CDH13: variants seen among roughly 807,000 people sequenced by gnomAD.
CDH13 encodes cadherin 13, also known as cadherin-13.
CDH13 carries 24 observed loss-of-function variants against 63.8 expected under a neutral mutation model. The ratio of observed to expected loss-of-function variants is 0.38; its 90% CI spans 0.27 to 0.53. The LOEUF (loss-of-function observed/expected upper bound fraction) is 0.53, where lower values mean the gene tolerates loss of function less well. CDH13 is among the 20% of genes least tolerant of loss of function. The probability of loss-of-function intolerance (pLI) is 0.85; values close to 1 mark genes in which losing one functional copy is unlikely to be tolerated. For synonymous variants in CDH13, 503 were observed against 355.3 expected, an observed-to-expected ratio of 1.42 and a Z score of -4.67; for missense variants, 1,049 against 903.1, an observed-to-expected ratio of 1.16 and a Z score of -2.07.
At chr16:83,080,882 T>TTG (rs1555579078) in intron 3 of CDH13, among the ~76,000 whole-genome samples, 2 of 114,900 alleles carry the variant, frequency 1.7e-5, no homozygotes, top group African/African-American at 6.8e-5. Context: ...TTTTTTTTTT[T>TTG]TTTTTTTTTT....
At chr16:83,408,380 C>T (rs1160905769) in intron 6 of CDH13, among the ~76,000 whole-genome samples, 1 of 152,140 alleles carries the variant, frequency 6.6e-6, no homozygotes, top group East Asian at 1.9e-4. Context: ...TCATATAGTG[C>T]ACTTACGCAA....
chr16:83,376,215 T>A (rs1597865028), intron 6 of CDH13, among the ~76,000 whole-genome samples: 2 of 152,304 alleles, frequency 1.3e-5, no homozygotes, highest in Middle Eastern at 6.8e-3. Context: ...TGTAACTCCC[T>A]TTAAAGTTTT....
intron 6 of CDH13, among the ~76,000 whole-genome samples, chr16:83,441,773 AG>A (rs1344786608): frequency 2.0e-5 from 3 of 152,134 alleles, no homozygotes; most frequent in Non-Finnish European, 4.4e-5. Context: ...GAGCCCTATG[AG>A]TAAATGTGAT....
chr16:83,675,115 A>C (rs1329585738), intron 9 of CDH13, among the ~76,000 whole-genome samples: 1 of 152,174 alleles, frequency 6.6e-6, no homozygotes, highest in Non-Finnish European at 1.5e-5. Flanking sequence ...AGCTTCCATC[A>C]GGAGTATTTT....
chr16:82,845,316 A>T (rs1489427340), intron 1 of CDH13, among the ~76,000 whole-genome samples: 1 of 152,124 alleles, frequency 6.6e-6, no homozygotes, highest in Non-Finnish European at 1.5e-5. Context: ...TAGGAGCATT[A>T]ACTCCCCCTC....
chr16:83,750,985 A>AG (rs1838941490), intron 11 of CDH13, among the ~76,000 whole-genome samples: 1 of 152,112 alleles, frequency 6.6e-6, no homozygotes, highest in Non-Finnish European at 1.5e-5. Flanking sequence ...TTAAAAAAAA[A>AG]AAAAAACAGG....
intron 3 of CDH13, among the ~76,000 whole-genome samples, chr16:83,087,447 A>T (rs954495830): frequency 6.6e-6 from 1 of 152,144 alleles, no homozygotes; most frequent in African/African-American, 2.4e-5. Flanking sequence ...AGGCGGGCAG[A>T]TCACGAGGTC....
chr16:82,706,559 G>T (rs1248484020), intron 1 of CDH13, among the ~76,000 whole-genome samples: 4 of 151,844 alleles, frequency 2.6e-5, no homozygotes, highest in African/African-American at 7.3e-5. Flanking sequence ...AGAGGTCAGC[G>T]GAGGTGGGTG....
At chr16:82,660,479 C>T (rs1046651062) in intron 1 of CDH13, among the ~76,000 whole-genome samples, 2 of 152,114 alleles carry the variant, frequency 1.3e-5, no homozygotes, top group East Asian at 1.9e-4. Context: ...AGTTGGTGAA[C>T]GTCAGTCAAT....
chr16:82,789,333 T>G (rs1321467607), intron 1 of CDH13, among the ~76,000 whole-genome samples: 1 of 152,200 alleles, frequency 6.6e-6, no homozygotes, highest in African/African-American at 2.4e-5. Flanking sequence ...TGTGAACTCA[T>G]GAAGGGAGGG....
chr16:83,680,530 C>T (rs1915319713), intron 10 of CDH13, among the ~76,000 whole-genome samples: 1 of 152,050 alleles, frequency 6.6e-6, no homozygotes, highest in Non-Finnish European at 1.5e-5. Flanking sequence ...AACATCCAGG[C>T]CAAGATTTGA....
rs539459047 is a variant in CDH13 at position 83,499,517 on chromosome 16, T to C, written c.960+12862T>C. Among the ~76,000 whole-genome samples the C allele has an allele frequency of 1.4e-3, 207 of 152,350 alleles. 5 individuals carry two copies. In the South Asian group the frequency reaches 0.04, roughly 29 times the overall value. On this transcript the variant is annotated intron_variant, in intron 7 of 13. Transcript: ENST00000567109. ...AACAACCAGTAACCATAATTATGAT[T>C]TGCATGTCATAAAACATTCTTCTCT... is the stretch of plus-strand genomic sequence containing the variant.
intron 8 of CDH13, among the ~76,000 whole-genome samples, chr16:83,650,470 G>A (rs1912266393): frequency 6.6e-6 from 1 of 152,182 alleles, no homozygotes; most frequent in Admixed American, 6.5e-5. Flanking sequence ...CTTGTGGGCT[G>A]CCGTACACAG....
At chr16:83,668,059 G>A (rs1012543008) in intron 8 of CDH13, among the ~76,000 whole-genome samples, 6 of 152,176 alleles carry the variant, frequency 3.9e-5, no homozygotes. Context: ...ACGCAGCTCT[G>A]CTGGAGCACA....
intron 7 of CDH13, among the ~76,000 whole-genome samples, chr16:83,513,763 A>C (rs1434572270): frequency 6.6e-6 from 1 of 152,176 alleles, no homozygotes; most frequent in African/African-American, 2.4e-5. Context: ...TGGGAACTAC[A>C]ATTCAAGATG....
At chr16:82,813,578 G>T (rs1315987252) in intron 1 of CDH13, among the ~76,000 whole-genome samples, 1 of 152,152 alleles carries the variant, frequency 6.6e-6, no homozygotes, top group African/African-American at 2.4e-5. Flanking sequence ...AAAAGGTAGT[G>T]TCTTCCCGGA....
intron 6 of CDH13, among the ~76,000 whole-genome samples, chr16:83,414,301 C>T (rs375953587): frequency 6.6e-6 from 1 of 152,090 alleles, no homozygotes; most frequent in East Asian, 1.9e-4. Flanking sequence ...GTATAATTCA[C>T]CCATTTAAAA....
chr16:83,099,750 C>A (rs2034384380), intron 3 of CDH13, among the ~76,000 whole-genome samples: 1 of 151,918 alleles, frequency 6.6e-6, no homozygotes, highest in African/African-American at 2.4e-5. Flanking sequence ...TCTTCATTTG[C>A]ATCATGAAGC....
intron 1 of CDH13, among the ~76,000 whole-genome samples, chr16:82,811,809 G>C (rs1356315989): frequency 2.0e-5 from 3 of 152,158 alleles, no homozygotes; most frequent in African/African-American, 7.2e-5. Flanking sequence ...GAAGTGTCAG[G>C]AGTGACTTAT....
Sources: allele counts gnomAD v4.1 joint callset (sites outside exome capture counted in the v4.1 genomes callset), GRCh38; gene constraint gnomAD v4.1.1; transcripts MANE v1.5; gene names NCBI Gene and HGNC (gene_info 2026-07-23, HGNC 2026-07-21).